The following PDCD1 variants were observed in gnomAD, a reference collection of about 807,000 sequenced individuals.
The protein encoded by PDCD1 is programmed cell death protein 1.
In PDCD1, 10 loss-of-function variants were observed where a neutral mutation model predicts 23.6. The ratio of observed to expected loss-of-function variants is 0.42; its 90% CI spans 0.26 to 0.72. PDCD1 has a LOEUF of 0.72. PDCD1 is among the 30% of genes least tolerant of loss of function. The pLI is 0.24. For synonymous variants in PDCD1, 168 were observed against 169.3 expected, an observed-to-expected ratio of 0.99 and a Z score of 0.06; for missense variants, 313 against 397.8, an observed-to-expected ratio of 0.79 and a Z score of 1.81.
Position 241,850,442 on chromosome 2 carries a change from G to C in PDCD1, c.*616C>G. On this transcript the variant is annotated 3_prime_UTR_variant, in exon 5 of 5. Transcript: ENST00000334409. ...AGGTGCTGCCTGGGCATGTGTAAAG[G>C]TGGAGGGGTTTCCTGCCCTGCCCAC... The C allele has an allele frequency of 4.0e-6, 1 of 251,146 alleles. No individual in the cohort carries two copies. Among genetic ancestry groups the C allele is most frequent in the Admixed American group, 5.0e-5 (1 of 19,880 alleles). The allele number at this position is 251,146 out of a possible 1,614,324, so 15.6% of individuals were successfully genotyped here. A position where few individuals can be genotyped will look rare whatever the true frequency, so the allele number is the denominator to read the frequency against.
chr2:241,852,656 A>T lies in PDCD1; in HGVS notation c.401T>A (p.Ile134Asn). 1 of 1,612,902 alleles carries T rather than the reference A, an allele frequency of 6.2e-7. No homozygotes were observed. The highest frequency in any genetic ancestry group is 8.5e-7 in the Non-Finnish European group (1 of 1,179,844). ...GAGCTCTGCCCGCAGGCTCTCTTTG[A>T]TCTGCGCCTTGGGGGCCAGGGAGAT... ...GAISLAPKAQIKESLRAELRV... is the reference protein window; with the variant it reads ...GAISLAPKAQNKESLRAELRV... Residue 134 changes from isoleucine to asparagine, a missense_variant, in exon 2 of 5, where the codon ATC becomes AAC. By Grantham distance (149) the Ile-to-Asn change is moderately radical. Coordinates refer to ENST00000334409, the MANE Select transcript of PDCD1 (RefSeq NM_005018.3).
chr2:241,851,388 G>A (rs1182313803), intron 4 of PDCD1, 91 bp from the exon 5 acceptor site: 26 of 1,368,474 alleles, frequency 1.9e-5, no homozygotes, highest in East Asian at 9.4e-5. Context: ...TACCGGCACC[G>A]AACCTGGGCC....
At chr2:241,856,542 T>G (rs192186286) in intron 1 of PDCD1, among the ~76,000 whole-genome samples, 4 of 152,340 alleles carry the variant, frequency 2.6e-5, no homozygotes, top group Non-Finnish European at 5.9e-5. Context: ...ACTTTAAAAA[T>G]ATGTGTCATG....
At position 241,850,295 on chromosome 2, in the gene PDCD1, G is replaced by A. The variant is rs41428445; in HGVS notation, c.*763C>T. ...GGACCGTAGGATGTCCCTCTCCCGA[G>A]TGGTGTGAGGGGCTGGGGTGGAATG... On this transcript the variant is annotated 3_prime_UTR_variant, in exon 5 of 5. Coordinates refer to ENST00000334409, the MANE Select transcript of PDCD1 (RefSeq NM_005018.3). 5.0e-3 allele frequency: 1,174 copies of A among 234,130 alleles called. 15 individuals carry two copies. Among genetic ancestry groups the A allele is most frequent in the African/African-American group, 0.024 (1,081 of 45,486 alleles). 14.5% of individuals were successfully genotyped at this position (234,130 alleles called of 1,614,324 possible).
Position 241,857,378 on chromosome 2 carries a change from G to A in PDCD1, c.76+1385C>T, listed in dbSNP as rs552190145. 8.5e-5 allele frequency among the ~76,000 whole-genome samples: 13 copies of A among 152,256 alleles called. No homozygotes were observed. In the South Asian group the frequency reaches 2.7e-3, roughly 32 times the overall value. ...ACCTGAGGCACGAGTGTCAGGCTGC[G>A]GACACCTTGCTCTTATCTTTCCCGC... On this transcript the variant is annotated intron_variant, in intron 1 of 4. Transcript: ENST00000334409.
intron 1 of PDCD1, among the ~76,000 whole-genome samples, chr2:241,854,916 C>A (rs560814172): frequency 5.9e-5 from 9 of 152,208 alleles, no homozygotes; most frequent in Non-Finnish European, 1.2e-4. Flanking sequence ...CGCTGTGTGT[C>A]CACACCGCAA....
At position 241,851,931 on chromosome 2, in the gene PDCD1, G is replaced by GA; in HGVS notation, c.627+17dup. ...AAGGAAGGCACAGTGGATCATGCAG[G>GA]AAAAGAGTGAGACTCACCAGGGGCT... On this transcript the variant is annotated intron_variant, in intron 4 of 4. Coordinates refer to ENST00000334409, the MANE Select transcript of PDCD1 (RefSeq NM_005018.3). 16 of 1,613,054 alleles carry GA rather than the reference G, an allele frequency of 9.9e-6. No homozygotes were observed. The highest frequency in any genetic ancestry group is 1.3e-5 in the Non-Finnish European group (15 of 1,179,176).
intron 4 of PDCD1, 132 bp downstream of exon 4, chr2:241,851,817 G>T: frequency 1.1e-6 from 1 of 931,668 alleles, no homozygotes; most frequent in Non-Finnish European, 1.7e-6. Flanking sequence ...CTGCCTGGGG[G>T]CTGGGGAGGT....
In PDCD1 at chr2:241,850,128, A is replaced by G; in HGVS notation, c.*930T>C. ...GGAGCCCGGCCAACCCCTTTAAATA[A>G]TTTCAGGAATGGGTTCCAAGGAGAG... On this transcript the variant is annotated 3_prime_UTR_variant, in exon 5 of 5. Transcript: ENST00000334409. 1 of 230,192 alleles carries G rather than the reference A, an allele frequency of 4.3e-6. No homozygotes were observed. Among genetic ancestry groups the G allele is most frequent in the East Asian group, 6.2e-5 (1 of 16,192 alleles). 14.3% of individuals were successfully genotyped at this position (230,192 alleles called of 1,614,324 possible).
chr2:241,852,433 G>T, intron 2 of PDCD1, 80 bp from the exon 3 acceptor site: 2 of 1,142,418 alleles, frequency 1.8e-6, no homozygotes, highest in Non-Finnish European at 2.5e-6. Context: ...GACTAGAGGG[G>T]CTGGGGTGCT....
rs777848874 is a variant in PDCD1 at position 241,851,123 on chromosome 2, C to G, written c.802G>C (p.Ala268Pro). 2.5e-6 allele frequency: 4 copies of G among 1,613,308 alleles called. No individual in the cohort carries two copies. The South Asian group carries it at 4.4e-5, about 18-fold the overall frequency. ...GGCTGGGCACTCCGAGGGCCGTCAG[C>G]TGAGCCCCTGCGGGCGGGGGATGAG... ...GTSSPARRGS[A>P]DGPRSAQPLR... Residue 268 changes from alanine to proline, a missense_variant, in exon 5 of 5, where the codon GCT becomes CCT. Around this residue, in one of 3 missense-constraint regions of PDCD1, gnomAD observed 158 missense variants for 177.5 expected, o/e 0.89. Coordinates refer to ENST00000334409, the MANE Select transcript of PDCD1 (RefSeq NM_005018.3).
Position 241,850,256 on chromosome 2 carries a change from C to T in PDCD1, c.*802G>A, listed in dbSNP as rs893557099. The T allele has an allele frequency of 9.0e-5, 21 of 233,296 alleles. No individual in the cohort carries two copies. The highest frequency in any genetic ancestry group is 4.4e-4 in the African/African-American group (20 of 45,334). 14.5% of individuals were successfully genotyped at this position (233,296 alleles called of 1,614,324 possible). ...GGGGCCTGAGTCAACCCCAGCCCTG[C>T]CCTCCTGACCTTGGGACCGTAGGAT... On this transcript the variant is annotated 3_prime_UTR_variant, in exon 5 of 5. Coordinates refer to ENST00000334409, the MANE Select transcript of PDCD1 (RefSeq NM_005018.3).
Position 241,850,506 on chromosome 2 carries a change from C to T in PDCD1, c.*552G>A, listed in dbSNP as rs1054956258. 8.0e-5 allele frequency: 22 copies of T among 275,634 alleles called. No individual in the cohort carries two copies. The highest frequency in any genetic ancestry group is 1.5e-4 in the Non-Finnish European group (21 of 143,234). The allele number at this position is 275,634 out of a possible 1,614,324, so 17.1% of individuals were successfully genotyped here. ...TCTTCTGACCTTCCCTGAAACTTCT[C>T]TAGGCCTGCAGGGAGCAGATAACTC... On this transcript the variant is annotated 3_prime_UTR_variant, in exon 5 of 5. Coordinates refer to ENST00000334409, the MANE Select transcript of PDCD1 (RefSeq NM_005018.3).
Position 241,850,771 on chromosome 2 carries a change from A to G in PDCD1, c.*287T>C, listed in dbSNP as rs1700882525. ...CAGCAGCAGAGATTCAGGGAGCTGG[A>G]CGCAGGCAGCTCTGTGCTGGCAGGA... On this transcript the variant is annotated 3_prime_UTR_variant, in exon 5 of 5. Coordinates refer to ENST00000334409, the MANE Select transcript of PDCD1 (RefSeq NM_005018.3). 12 of 643,934 alleles carry G rather than the reference A, an allele frequency of 1.9e-5. No individual in the cohort carries two copies. The South Asian group carries it at 1.9e-4, about 10-fold the overall frequency. 39.9% of individuals were successfully genotyped at this position (643,934 alleles called of 1,614,324 possible).
intron 1 of PDCD1, among the ~76,000 whole-genome samples, chr2:241,858,055 G>A (rs955080813): frequency 1.3e-5 from 2 of 152,164 alleles, no homozygotes; most frequent in Non-Finnish European, 2.9e-5. Flanking sequence ...TCCTCGATCC[G>A]GGAGAGTGAG....
rs1700937809 is a variant in PDCD1 at position 241,852,925 on chromosome 2, C to T, written c.132G>A (p.Val44=). The T allele has an allele frequency of 1.9e-6, 3 of 1,588,984 alleles. No homozygotes were observed. The highest frequency in any genetic ancestry group is 2.6e-6 in the Non-Finnish European group (3 of 1,174,798). Residue 44 remains valine (V), a synonymous_variant, in exon 2 of 5, where the codon GTG becomes GTA. Transcript: ENST00000334409. ...PPTFSPALLV[V]TEGDNATFTC... ...TGAAGGTGGCGTTGTCCCCTTCGGTCACCACGAGCAGGGCTGGGGAGAAGG... is the reference window on the plus strand; with the variant it reads ...TGAAGGTGGCGTTGTCCCCTTCGGTTACCACGAGCAGGGCTGGGGAGAAGG...
intron 1 of PDCD1, 143 bp from the exon 2 acceptor site, chr2:241,853,123 T>A: frequency 1.0e-6 from 1 of 987,908 alleles, no homozygotes. Flanking sequence ...CTGGGGCCTC[T>A]GCCACCCGGG....
rs1700921071 is a variant in PDCD1, at chr2:241,852,312, G to A, written c.478C>T (p.Pro160Ser). 2 of 1,610,720 alleles carry A rather than the reference G, an allele frequency of 1.2e-6. No homozygotes were observed. Among genetic ancestry groups the A allele is most frequent in the South Asian group, 1.1e-5 (1 of 90,950 alleles). ...EVPTAHPSPS[P>S]RPAGQFQTLV... Reference sequence around the variant, plus strand: ...GTTTGGAACTGGCCGGCTGGCCTGGGTGAGGGGCTGGGGTGGGCTGTGGGC... The same window carrying A: ...GTTTGGAACTGGCCGGCTGGCCTGGATGAGGGGCTGGGGTGGGCTGTGGGC... Residue 160 changes from proline (P) to serine (S), a missense_variant, in exon 3 of 5, where the codon CCC (proline) becomes TCC (serine). Around this residue, in one of 3 missense-constraint regions of PDCD1, gnomAD observed 158 missense variants for 177.5 expected, o/e 0.89. Coordinates refer to ENST00000334409, the MANE Select transcript of PDCD1 (RefSeq NM_005018.3).
rs1174243824 is a variant in PDCD1, at chr2:241,850,364, C to T, written c.*694G>A. ...GTGCTGGCTGGGCCTGAAAGGCCTC[C>T]AGCTCTGCCTGCCCGCTTACTGCCT... On this transcript the variant is annotated 3_prime_UTR_variant, in exon 5 of 5. Transcript: ENST00000334409. The T allele has an allele frequency of 8.4e-6, 2 of 237,634 alleles. No homozygotes were observed. Among genetic ancestry groups the T allele is most frequent in the Non-Finnish European group, 1.7e-5 (2 of 121,066 alleles). 14.7% of individuals were successfully genotyped at this position (237,634 alleles called of 1,614,324 possible).
Sources: allele counts gnomAD v4.1 joint callset (sites outside exome capture counted in the v4.1 genomes callset), GRCh38; gene constraint gnomAD v4.1.1; regional missense constraint gnomAD v4.1.1; transcripts MANE v1.5; gene names NCBI Gene and HGNC (gene_info 2026-07-23, HGNC 2026-07-21).